The following CELSR3 variants were observed in gnomAD, a reference collection of about 807,000 sequenced individuals.
CELSR3 encodes EGF-like protein 1.
CELSR3 carries 73 observed loss-of-function variants against 270.0 expected under a neutral mutation model. The ratio of observed to expected loss-of-function variants is 0.27; its 90% CI spans 0.22 to 0.33. The LOEUF (loss-of-function observed/expected upper bound fraction) is 0.33. Among genes scored for constraint, CELSR3 ranks in the 10% least tolerant of loss-of-function variants. The probability of loss-of-function intolerance (pLI) is 1.00; values close to 1 mark genes in which losing one functional copy is unlikely to be tolerated. For synonymous variants in CELSR3, 1,780 were observed against 1,905.4 expected (o/e 0.93, Z 1.71); for missense variants, 3,614 against 4,533.8 (o/e 0.80, Z 5.83).
chr3:48,641,510 C>T lies in CELSR3; in HGVS notation c.8839G>A (p.Asp2947Asn). 1 of 1,611,738 alleles carries T rather than the reference C, an allele frequency of 6.2e-7. No individual in the cohort carries two copies. Among genetic ancestry groups the T allele is most frequent in the African/African-American group, 1.3e-5 (1 of 75,010 alleles). Residue 2947 changes from aspartate to asparagine, a missense_variant, in exon 33 of 35, where the codon GAC (aspartate) becomes AAC (asparagine). Asp to Asn is a conservative substitution (Grantham distance 23). Around this residue, in one of 7 missense-constraint regions of CELSR3, gnomAD observed 1,240 missense variants for 1,351.7 expected, o/e 0.92. Transcript: ENST00000164024. The surrounding 1 kb of genome is among the most constrained non-coding windows in gnomAD (Gnocchi z 4.8). ...AGGGCTGGCCAGTAGGACAGGAGGTCATTGCCATCCACATCTGTGGAGCCA... is the reference window on the plus strand; with the variant it reads ...AGGGCTGGCCAGTAGGACAGGAGGTTATTGCCATCCACATCTGTGGAGCCA... ...LTHPKDVDGN[D>N]LLSYWPALGE...
In CELSR3 at chr3:48,660,015, C is replaced by G; in HGVS notation, c.2620G>C (p.Gly874Arg). The G allele has an allele frequency of 6.2e-7, 1 of 1,614,152 alleles. No individual in the cohort carries two copies. Among genetic ancestry groups the G allele is most frequent in the East Asian group, 2.2e-5 (1 of 44,880 alleles). Residue 874 changes from glycine to arginine, a missense_variant, in exon 1 of 35, where the codon GGT becomes CGT. By Grantham distance (125) the Gly-to-Arg change is moderately radical (BLOSUM62 -2). Coordinates refer to ENST00000164024, the MANE Select transcript of CELSR3 (RefSeq NM_001407.3). The surrounding 1 kb of genome is among the most constrained non-coding windows in gnomAD (Gnocchi z 5.5). ...GCACTGATGACCACTATGGTGCTAC[C>G]CATTGGCCGATCTTCATTCACACTC... Reference protein sequence around the residue: ...SVSVNEDRPMGSTIVVISASD... With the variant: ...SVSVNEDRPMRSTIVVISASD...
chr3:48,646,241 C>A lies in CELSR3; in HGVS notation c.7312G>T (p.Val2438Phe), dbSNP rs143320362. The A allele has an allele frequency of 1.2e-6, 2 of 1,611,756 alleles. No homozygotes were observed. Among genetic ancestry groups the A allele is most frequent in the Non-Finnish European group, 1.7e-6 (2 of 1,179,268 alleles). Residue 2438 changes from valine (V) to phenylalanine (F), a missense_variant, in exon 22 of 35, where the codon GTC becomes TTC. By Grantham distance (50) the Val-to-Phe change is conservative (BLOSUM62 -1). Around this residue, in one of 7 missense-constraint regions of CELSR3, gnomAD observed 1,240 missense variants for 1,351.7 expected, o/e 0.92. Coordinates refer to ENST00000164024, the MANE Select transcript of CELSR3 (RefSeq NM_001407.3). This position sits in a 1 kb window ranked among gnomAD's most constrained non-coding sequence, Gnocchi z 4.8. Reference sequence around the variant, plus strand: ...ACGCTGACCACCGGGGAGTTCATGACGGGGTTCTGAGGAAGCCTGGGGAGA... The same window carrying A: ...ACGCTGACCACCGGGGAGTTCATGAAGGGGTTCTGAGGAAGCCTGGGGAGA... ...RRGARLPQNP[V>F]MNSPVVSVAV... is the part of the protein sequence containing the mutation.
Position 48,662,803 on chromosome 3 carries a change from G to A in CELSR3, c.-169C>T. ...TCTGGGCACCATCTACTCCGCGGCC[G>A]GAGCCCCTCCGGCGTGCGGCCCTGG... On this transcript the variant is annotated 5_prime_UTR_variant, in exon 1 of 35. Transcript: ENST00000164024. The surrounding 1 kb of genome is among the most constrained non-coding windows in gnomAD (Gnocchi z 7.1). 3.4e-6 allele frequency: 1 copy of A among 295,496 alleles called. No homozygotes were observed. The highest frequency in any genetic ancestry group is 6.1e-6 in the Non-Finnish European group (1 of 163,752). 18.3% of individuals were successfully genotyped at this position (295,496 alleles called of 1,614,324 possible).
chr3:48,645,536 C>T lies in CELSR3; in HGVS notation c.7704G>A (p.Lys2568=). ...TGGCATGGATCCCACGCACATTGGA[C>T]TTGAGGCTGCGCAGGCTCAGCAGGA... ...AAILLSLRSL[K]SNVRGIHANV... The change falls in exon 24 of 35, where the codon AAG becomes AAA. Residue 2568 remains lysine, a synonymous_variant. Transcript: ENST00000164024. This position sits in a 1 kb window ranked among gnomAD's most constrained non-coding sequence, Gnocchi z 5.4. 3.7e-6 allele frequency: 6 copies of T among 1,612,774 alleles called. No individual in the cohort carries two copies. The highest frequency in any genetic ancestry group is 4.2e-6 in the Non-Finnish European group (5 of 1,180,018).
chr3:48,651,393 T>C lies in CELSR3; in HGVS notation c.6152A>G (p.Asn2051Ser), dbSNP rs965676058. 1 of 1,614,070 alleles carries C rather than the reference T, an allele frequency of 6.2e-7. No individual in the cohort carries two copies. The highest frequency in any genetic ancestry group is 1.7e-5 in the Admixed American group (1 of 60,022). Residue 2051 changes from asparagine (N) to serine (S), a missense_variant, in exon 14 of 35, where the codon AAC becomes AGC. Transcript: ENST00000164024. This position sits in a 1 kb window ranked among gnomAD's most constrained non-coding sequence, Gnocchi z 7.4. Reference sequence around the variant, plus strand: ...ACACTGCCCATTTGTCTTGTTGCAGTTGGGATCAAAACCTTTGTGAACATC... The same window carrying C: ...ACACTGCCCATTTGTCTTGTTGCAGCTGGGATCAAAACCTTTGTGAACATC... ...NCDVHKGFDP[N>S]CNKTNGQCHC...
At chr3:48,656,528 A>T (rs1425624231) in intron 2 of CELSR3, among the ~76,000 whole-genome samples, 163 bp from the exon 3 acceptor site, 1 of 152,130 alleles carries the variant, frequency 6.6e-6, no homozygotes, top group African/African-American at 2.4e-5. Context: ...CCCCAGTCTC[A>T]TCGCTGCCTC....
chr3:48,651,159 C>G lies in CELSR3; in HGVS notation c.6187-84G>C. On this transcript the variant is annotated intron_variant, in intron 14 of 34. Coordinates refer to ENST00000164024, the MANE Select transcript of CELSR3 (RefSeq NM_001407.3). This position sits in a 1 kb window ranked among gnomAD's most constrained non-coding sequence, Gnocchi z 7.4. ...AATCAAGGATAAAGGGTCAAGAGAA[C>G]AGTGCTCATGGGCCAGAGGACACCT... 1 of 1,475,660 alleles carries G rather than the reference C, an allele frequency of 6.8e-7. No homozygotes were observed. Among genetic ancestry groups the G allele is most frequent in the Non-Finnish European group, 9.2e-7 (1 of 1,088,952 alleles). The allele number at this position is 1,475,660 out of a possible 1,614,324, so 91.4% of individuals were successfully genotyped here.
At position 48,648,466 on chromosome 3, in the gene CELSR3, G is replaced by T; in HGVS notation, c.6778-5C>A. The T allele has an allele frequency of 6.5e-7, 1 of 1,536,908 alleles. No individual in the cohort carries two copies. ...AGAGCCGGCCCACAGCAGATTCTGGGAAGACAGAGATAGAATTGGGTTCAG... is the reference window on the plus strand; with the variant it reads ...AGAGCCGGCCCACAGCAGATTCTGGTAAGACAGAGATAGAATTGGGTTCAG... On this transcript the variant is annotated splice_polypyrimidine_tract_variant and splice_region_variant and intron_variant, in intron 18 of 34. Transcript: ENST00000164024.
chr3:48,647,787 G>C lies in CELSR3; in HGVS notation c.7129+54C>G. 1.9e-6 allele frequency: 3 copies of C among 1,572,784 alleles called. No homozygotes were observed. In the South Asian group the frequency reaches 3.3e-5, roughly 18 times the overall value. Reference sequence around the variant, plus strand: ...TGGCAGGAGGGCAACATAGTATCTGGTTGGGGGGACAGAGAGACAGGACTT... The same window carrying C: ...TGGCAGGAGGGCAACATAGTATCTGCTTGGGGGGACAGAGAGACAGGACTT... On this transcript the variant is annotated intron_variant, in intron 20 of 34. Coordinates refer to ENST00000164024, the MANE Select transcript of CELSR3 (RefSeq NM_001407.3).
Position 48,651,212 on chromosome 3 carries a change from T to C in CELSR3, c.6187-137A>G, listed in dbSNP as rs578150408. The C allele has an allele frequency of 1.5e-5, 22 of 1,459,808 alleles. No individual in the cohort carries two copies. In the African/African-American group the frequency reaches 2.8e-4, roughly 19 times the overall value. The allele number at this position is 1,459,808 out of a possible 1,614,324, so 90.4% of individuals were successfully genotyped here. A position where few individuals can be genotyped will look rare whatever the true frequency, so the allele number is the denominator to read the frequency against. On this transcript the variant is annotated intron_variant, in intron 14 of 34. Coordinates refer to ENST00000164024, the MANE Select transcript of CELSR3 (RefSeq NM_001407.3). This position sits in a 1 kb window ranked among gnomAD's most constrained non-coding sequence, Gnocchi z 7.4. ...GTCATGCGTGAAGCCAAGGGAGGGG[T>C]CACGGGTAAAGGATGAGAGACAGCA...
chr3:48,655,034 G>C lies in CELSR3; in HGVS notation c.4988+10C>G, dbSNP rs773646531. On this transcript the variant is annotated intron_variant, in intron 6 of 34. Transcript: ENST00000164024. This position sits in a 1 kb window ranked among gnomAD's most constrained non-coding sequence, Gnocchi z 5.8. ...CAGGGGACAAGGGGACTAGGGGGCA[G>C]GGGCCTCACTTCTTGGAGCTTGTTT... The C allele has an allele frequency of 1.2e-6, 2 of 1,613,500 alleles. No individual in the cohort carries two copies. The highest frequency in any genetic ancestry group is 3.3e-5 in the Admixed American group (2 of 59,968).
Position 48,652,383 on chromosome 3 carries a change from A to C in CELSR3, c.5751+54T>G. The C allele has an allele frequency of 7.1e-7, 1 of 1,404,100 alleles. No homozygotes were observed. The highest frequency in any genetic ancestry group is 1.0e-6 in the Non-Finnish European group (1 of 989,800). The allele number at this position is 1,404,100 out of a possible 1,614,324, so 87.0% of individuals were successfully genotyped here. On this transcript the variant is annotated intron_variant, in intron 11 of 34. Transcript: ENST00000164024. The surrounding 1 kb of genome is among the most constrained non-coding windows in gnomAD (Gnocchi z 4.3). ...CCTTTCAGGTCCCAAGGAGCCCCTGACTTCTGACCCCTGACCCTAATGCCC... is the reference window on the plus strand; with the variant it reads ...CCTTTCAGGTCCCAAGGAGCCCCTGCCTTCTGACCCCTGACCCTAATGCCC...
rs1043325374 is a variant in CELSR3, at chr3:48,646,309, C to T, written c.7296-52G>A. On this transcript the variant is annotated intron_variant, in intron 21 of 34. Coordinates refer to ENST00000164024, the MANE Select transcript of CELSR3 (RefSeq NM_001407.3). The surrounding 1 kb of genome is among the most constrained non-coding windows in gnomAD (Gnocchi z 4.8). The stretch of plus-strand genomic sequence containing the variant: ...GCACTGCTGACCTCCCCATGCTCAG[C>T]CTGCTTGCCTCACCCCGTCTTCATG... 1.3e-6 allele frequency: 2 copies of T among 1,550,440 alleles called. No homozygotes were observed. Among genetic ancestry groups the T allele is most frequent in the African/African-American group, 1.4e-5 (1 of 73,486 alleles).
chr3:48,647,046 G>A (rs1271719947), intron 20 of CELSR3, 118 bp from the exon 21 acceptor site: 27 of 977,912 alleles, frequency 2.8e-5, no homozygotes, highest in Non-Finnish European at 3.8e-5. Flanking sequence ...GAATTGGGGA[G>A]TGCAGGGAGC....
At position 48,651,584 on chromosome 3, in the gene CELSR3, C is replaced by T. The variant is rs1303073336; in HGVS notation, c.6058G>A (p.Glu2020Lys). 1 of 1,576,238 alleles carries T rather than the reference C, an allele frequency of 6.3e-7. No individual in the cohort carries two copies. The highest frequency in any genetic ancestry group is 8.6e-7 in the Non-Finnish European group (1 of 1,158,466). ...TCAGCCCCAGCCTCTTACCTGTGCT[C>T]ACAGTGGTGCCCGAAATAGCCACCC... ...CVGGYFGHHC[E>K]HRMDQQCPRG... is the part of the protein sequence containing the mutation. The change falls in exon 13 of 35, where the codon GAG becomes AAG. Residue 2020 changes from glutamate to lysine, a missense_variant. Glu to Lys is a moderately conservative substitution (Grantham distance 56, BLOSUM62 1). Coordinates refer to ENST00000164024, the MANE Select transcript of CELSR3 (RefSeq NM_001407.3). The surrounding 1 kb of genome is among the most constrained non-coding windows in gnomAD (Gnocchi z 7.4).
intron 28 of CELSR3, 85 bp from the exon 29 acceptor site, chr3:48,643,168 G>A (rs2047045804): frequency 1.1e-6 from 1 of 897,606 alleles, no homozygotes; most frequent in East Asian, 2.4e-5. Context: ...AATGGGGTCA[G>A]TCACTGTAGG....
Position 48,655,866 on chromosome 3 carries a change from AG to A in CELSR3, c.4626-16del. On this transcript the variant is annotated splice_polypyrimidine_tract_variant and intron_variant, in intron 3 of 34. Coordinates refer to ENST00000164024, the MANE Select transcript of CELSR3 (RefSeq NM_001407.3). The surrounding 1 kb of genome is among the most constrained non-coding windows in gnomAD (Gnocchi z 5.8). ...CTGTCGCGAACCTGGGCGGGGTGGGAGGGGGTTGCGGGGGTGGGAGCGTCAG... is the reference window on the plus strand; with the variant it reads ...CTGTCGCGAACCTGGGCGGGGTGGGAGGGGTTGCGGGGGTGGGAGCGTCAG... The A allele has an allele frequency of 4.5e-6, 1 of 222,848 alleles. No homozygotes were observed. Among genetic ancestry groups the A allele is most frequent in the Non-Finnish European group, 8.7e-6 (1 of 115,136 alleles). The allele number at this position is 222,848 out of a possible 1,614,324, so 13.8% of individuals were successfully genotyped here.
Position 48,642,763 on chromosome 3 carries a change from T to C in CELSR3, c.8528A>G (p.Asp2843Gly). ...SARSGRTQDQ[D>G]SQRGRSYLRD... The stretch of plus-strand genomic sequence containing the variant: ...GAGGTAGCTGCGGCCCCGCTGGCTG[T>C]CCTGGTCCTGGGTCCGGCCGGAGCG... Residue 2843 changes from aspartate to glycine, a missense_variant, in exon 30 of 35, where the codon GAC becomes GGC. By Grantham distance (94) the Asp-to-Gly change is moderately conservative. Transcript: ENST00000164024. This position sits in a 1 kb window ranked among gnomAD's most constrained non-coding sequence, Gnocchi z 6.1. The C allele has an allele frequency of 6.2e-7, 1 of 1,612,090 alleles. No homozygotes were observed. The highest frequency in any genetic ancestry group is 8.5e-7 in the Non-Finnish European group (1 of 1,179,832).
In CELSR3 at chr3:48,655,598, G is replaced by T; in HGVS notation, c.4741+138C>A. ...GGGAGGGACCTTCCCACAGGGAATG[G>T]CCAAGGAGCTAGGTCTTCAGGGCTT... is the stretch of plus-strand genomic sequence containing the variant. On this transcript the variant is annotated intron_variant, in intron 4 of 34. Transcript: ENST00000164024. This position sits in a 1 kb window ranked among gnomAD's most constrained non-coding sequence, Gnocchi z 5.8. 1 of 896,102 alleles carries T rather than the reference G, an allele frequency of 1.1e-6. No individual in the cohort carries two copies. Among genetic ancestry groups the T allele is most frequent in the Non-Finnish European group, 1.8e-6 (1 of 555,070 alleles). 55.5% of individuals were successfully genotyped at this position (896,102 alleles called of 1,614,324 possible).
Sources: allele counts gnomAD v4.1 joint callset (sites outside exome capture counted in the v4.1 genomes callset), GRCh38; gene constraint gnomAD v4.1.1; regional missense constraint gnomAD v4.1.1; non-coding constraint Gnocchi (gnomAD v3.1); transcripts MANE v1.5; gene names NCBI Gene and HGNC (gene_info 2026-07-23, HGNC 2026-07-21).